TLE2: variants seen among roughly 807,000 people sequenced by gnomAD.
TLE2 encodes transducin-like enhancer protein 2.
Under a neutral mutation model 97.2 loss-of-function variants are expected in TLE2, and 74 were observed. The observed-to-expected ratio is 0.76, with a 90% confidence interval of 0.63 to 0.92. TLE2 has a LOEUF of 0.92. TLE2 is among the 40% of genes least tolerant of loss of function. The probability of loss-of-function intolerance (pLI) is 0.00; values close to 1 mark genes in which losing one functional copy is unlikely to be tolerated. For synonymous variants in TLE2, 499 were observed against 432.1 expected, an observed-to-expected ratio of 1.15 and a Z score of -1.92; for missense variants, 1,038 against 1,008.7, an observed-to-expected ratio of 1.03 and a Z score of -0.39.
chr19:3,022,892 G>T (rs993653335), intron 5 of TLE2, among the ~76,000 whole-genome samples: 3 of 152,096 alleles, frequency 2.0e-5, no homozygotes, highest in Non-Finnish European at 2.9e-5. Flanking sequence ...CACTGTAATG[G>T]GAAAGCTGCT....
rs938675128 is a variant in TLE2 at position 3,008,963 on chromosome 19, G to C, written c.1174-18C>G. On this transcript the variant is annotated intron_variant, in intron 13 of 19. Coordinates refer to ENST00000262953, the MANE Select transcript of TLE2 (RefSeq NM_003260.5). ...AATGCCATCTGTGAGAATGCCAGGG[G>C]GGTGTCAGTGAGGCAGGTGACTCCA... 6.4e-7 allele frequency: 1 copy of C among 1,560,306 alleles called. No homozygotes were observed. The highest frequency in any genetic ancestry group is 8.7e-7 in the Non-Finnish European group (1 of 1,152,158).
At chr19:3,005,061 A>G (rs1293998922) in intron 17 of TLE2, among the ~76,000 whole-genome samples, 1 of 150,926 alleles carries the variant, frequency 6.6e-6, no homozygotes, top group Non-Finnish European at 1.5e-5. Context: ...TAGCTCCCCC[A>G]TGGTTAGTCC....
Position 3,019,596 on chromosome 19 carries a change from C to T in TLE2, c.369+103G>A, listed in dbSNP as rs1248427080. 14 of 1,521,018 alleles carry T rather than the reference C, an allele frequency of 9.2e-6. No homozygotes were observed. Among genetic ancestry groups the T allele is most frequent in the Non-Finnish European group, 1.2e-5 (13 of 1,129,834 alleles). 94.2% of individuals were successfully genotyped at this position (1,521,018 alleles called of 1,614,324 possible). Reference sequence around the variant, plus strand: ...CCTGGGGTTCCCAGGACCACTGGAGCCAAGGCCCACACACCACCCCAGCTT... The same window carrying T: ...CCTGGGGTTCCCAGGACCACTGGAGTCAAGGCCCACACACCACCCCAGCTT... On this transcript the variant is annotated intron_variant, in intron 6 of 19. Transcript: ENST00000262953. The surrounding 1 kb of genome is among the most constrained non-coding windows in gnomAD (Gnocchi z 5.1).
chr19:3,019,691 A>T lies in TLE2; in HGVS notation c.369+8T>A. On this transcript the variant is annotated splice_region_variant and intron_variant, in intron 6 of 19. Transcript: ENST00000262953. The surrounding 1 kb of genome is among the most constrained non-coding windows in gnomAD (Gnocchi z 5.1). ...CCCCATGGCGGGGCAGGGGCTAGAG[A>T]GACTCACCCCGATGAGGCTGTTCAG... is the stretch of plus-strand genomic sequence containing the variant. 2.5e-6 allele frequency: 4 copies of T among 1,606,388 alleles called. No individual in the cohort carries two copies. The highest frequency in any genetic ancestry group is 3.4e-6 in the Non-Finnish European group (4 of 1,176,752).
intron 11 of TLE2, 44 bp downstream of exon 11, chr19:3,013,625 C>CG (rs1204782196): frequency 7.5e-7 from 1 of 1,337,696 alleles, no homozygotes; most frequent in Non-Finnish European, 9.7e-7. Context: ...TCGGGGCCCC[C>CG]GGGATGAATA....
intron 18 of TLE2, among the ~76,000 whole-genome samples, chr19:3,001,604 G>A (rs560796454): frequency 2.6e-5 from 4 of 151,732 alleles, no homozygotes; most frequent in African/African-American, 9.7e-5. Flanking sequence ...TCCTGCCTCA[G>A]CCTCCCTCGT....
intron 19 of TLE2, among the ~76,000 whole-genome samples, chr19:2,998,237 ATGTGTGTGTGTGTGTGTGTGTG>A (rs56398458): frequency 0.011 from 1,390 of 121,418 alleles, 35 homozygotes; most frequent in African/African-American, 0.047. Context: ...CGCCCGGCCA[ATGTGTGTGTGTGTGTGTGTGTG>A]TGTGTGTGTG....
At chr19:3,020,245 T>A (rs573169326) in intron 5 of TLE2, 76 of 164,158 alleles carry the variant, frequency 4.6e-4, no homozygotes, top group African/African-American at 6.3e-4. Context: ...CAAGAAAAAA[T>A]ATATATATAT....
intron 1 of TLE2, among the ~76,000 whole-genome samples, chr19:3,036,320 G>A (rs1237188212): frequency 6.6e-6 from 1 of 152,178 alleles, no homozygotes; most frequent in Non-Finnish European, 1.5e-5. Flanking sequence ...AAAGTAACGT[G>A]GGTACCTCTC....
At chr19:3,003,080 C>T (rs574354961) in intron 17 of TLE2, among the ~76,000 whole-genome samples, 2 of 145,620 alleles carry the variant, frequency 1.4e-5, no homozygotes, top group South Asian at 4.2e-4. Flanking sequence ...CTCTTCAGCA[C>T]CCCCCTAGAG....
At chr19:3,035,917 C>T (rs2090059298) in intron 1 of TLE2, among the ~76,000 whole-genome samples, 1 of 152,048 alleles carries the variant, frequency 6.6e-6, no homozygotes. Flanking sequence ...TATCCAGAAA[C>T]AGGGGAAAGC....
intron 18 of TLE2, among the ~76,000 whole-genome samples, chr19:3,001,208 G>C (rs1020351406): frequency 6.6e-6 from 1 of 151,752 alleles, no homozygotes; most frequent in Non-Finnish European, 1.5e-5. Context: ...AGGACGCAGA[G>C]GTTGCAGTGA....
In TLE2 at chr19:3,015,526, G is replaced by C. The variant is rs940097743; in HGVS notation, c.678+127C>G. 1.3e-5 allele frequency: 9 copies of C among 699,898 alleles called. No homozygotes were observed. In the African/African-American group the frequency reaches 1.6e-4, roughly 12 times the overall value. The allele number at this position is 699,898 out of a possible 1,614,324, so 43.4% of individuals were successfully genotyped here. ...CTCTGATTGGTCAGTACTCTGAGTA[G>C]TAGGGAGCTATGGGAGGCTCCGGAG... is the stretch of plus-strand genomic sequence containing the variant. On this transcript the variant is annotated intron_variant, in intron 9 of 19. Transcript: ENST00000262953.
rs1458627545 is a variant in TLE2, at chr19:2,997,976, GAA to G, written c.2125-23_2125-22del. On this transcript the variant is annotated intron_variant, in intron 19 of 19. Transcript: ENST00000262953. ...TTGGACTGCCAAGGGAAGGGAGAGA[GAA>G]AAGGGCACAGTGAGGCATGGTCCCC... 8 of 1,576,110 alleles carry G rather than the reference GAA, an allele frequency of 5.1e-6. No homozygotes were observed. In the African/African-American group the frequency reaches 1.1e-4, roughly 21 times the overall value.
At chr19:3,025,131 A>C (rs764967778) in intron 4 of TLE2, 49 bp from the exon 5 acceptor site, 3 of 1,541,824 alleles carry the variant, frequency 1.9e-6, no homozygotes, top group Non-Finnish European at 2.6e-6. Context: ...GAGATTTGCA[A>C]CCCAGCTCTG....
At chr19:3,006,786 T>C (rs2089489762) in intron 14 of TLE2, 117 bp from the exon 15 acceptor site, 1 of 1,417,286 alleles carries the variant, frequency 7.1e-7, no homozygotes, top group Non-Finnish European at 9.3e-7. Flanking sequence ...TTTTTTATTT[T>C]TTGTTTTGTT....
chr19:3,043,394 G>C (rs562912894), intron 1 of TLE2, among the ~76,000 whole-genome samples: 16 of 126,150 alleles, frequency 1.3e-4, no homozygotes, highest in Admixed American at 8.9e-4. Flanking sequence ...TTTTGAGATG[G>C]TCTCGAACGC....
At chr19:2,999,150 C>T (rs559296299) in intron 19 of TLE2, among the ~76,000 whole-genome samples, 7 of 152,032 alleles carry the variant, frequency 4.6e-5, no homozygotes, top group East Asian at 3.9e-4. Context: ...GGCATGGTGG[C>T]GGGCACATGT....
intron 8 of TLE2, 145 bp from the exon 9 acceptor site, chr19:3,015,905 C>A: frequency 4.2e-6 from 3 of 710,748 alleles, no homozygotes; most frequent in Middle Eastern, 4.6e-4. Flanking sequence ...GAGCTTCCAA[C>A]GGCTGACTCA....
Sources: gnomAD v4.1 joint callset for allele counts (sites outside exome capture counted in the v4.1 genomes callset) on GRCh38, gnomAD v4.1.1 for gene constraint, Gnocchi (gnomAD v3.1) non-coding constraint, MANE v1.5 for transcripts, NCBI Gene and HGNC (gene_info 2026-07-23, HGNC 2026-07-21) for gene names.